DST: variants seen among roughly 807,000 people sequenced by gnomAD.
The protein encoded by DST is bullous pemphigoid antigen.
DST carries 253 observed loss-of-function variants against 875.2 expected under a neutral mutation model. The observed-to-expected ratio is 0.29, with a 90% CI of 0.26 to 0.32. The LOEUF (loss-of-function observed/expected upper bound fraction) is 0.32. Among genes scored for constraint, DST ranks in the 10% least tolerant of loss-of-function variants. DST has a pLI of 1.00. For synonymous variants in DST, 3,124 were observed against 3,197.1 expected (o/e 0.98, Z 0.77); for missense variants, 8,287 against 9,111.6 (o/e 0.91, Z 3.68).
rs539743596 is a variant in DST, at chr6:56,799,181, T to C, written c.625+52216A>G. On this transcript the variant is annotated intron_variant, in intron 4 of 103. Coordinates refer to ENST00000680361, the MANE Select transcript of DST (RefSeq NM_001374736.1). Reference sequence around the variant, plus strand: ...ACTCCAATTTTGAAAGAAGTTCTACTGTGGGTAAAATGCTAACAGCATCAC... The same window carrying C: ...ACTCCAATTTTGAAAGAAGTTCTACCGTGGGTAAAATGCTAACAGCATCAC... 6.6e-5 allele frequency among the ~76,000 whole-genome samples: 10 copies of C among 152,282 alleles called. No homozygotes were observed. The South Asian group carries it at 2.1e-3, about 32-fold the overall frequency.
intron 4 of DST, among the ~76,000 whole-genome samples, chr6:56,825,502 TAAAAAA>T (rs749148452): frequency 1.8e-5 from 2 of 109,348 alleles, no homozygotes; most frequent in East Asian, 2.7e-4. Context: ...CAATAAATAC[TAAAAAA>T]AAAAAAAAAA....
At chr6:56,622,815 A>G (rs558205844) in intron 36 of DST, among the ~76,000 whole-genome samples, 21 of 152,280 alleles carry the variant, frequency 1.4e-4, no homozygotes, top group African/African-American at 4.6e-4. Flanking sequence ...TCTCTCTAAT[A>G]TCTAATATCT....
At chr6:56,875,133 G>A (rs1441037627) in intron 3 of DST, among the ~76,000 whole-genome samples, 5 of 152,236 alleles carry the variant, frequency 3.3e-5, no homozygotes, top group African/African-American at 7.2e-5. Flanking sequence ...ACAGGCGCCC[G>A]CCACCACGCC....
intron 49 of DST, among the ~76,000 whole-genome samples, chr6:56,589,819 T>C (rs80075208): frequency 6.6e-6 from 1 of 152,332 alleles, no homozygotes; most frequent in East Asian, 1.9e-4. Context: ...ATAATGCTAA[T>C]AACAACATGC....
chr6:56,836,822 G>A (rs1235121588), intron 4 of DST, among the ~76,000 whole-genome samples: 1 of 143,788 alleles, frequency 7.0e-6, no homozygotes, highest in African/African-American at 2.6e-5. Context: ...CTGCACTCCC[G>A]CCTGGGCCAC....
chr6:56,891,021 C>T (rs1249876505), intron 3 of DST, among the ~76,000 whole-genome samples: 8 of 152,312 alleles, frequency 5.3e-5, no homozygotes, highest in East Asian at 1.9e-4. Flanking sequence ...AGGCTTTAGA[C>T]GCATGTTGAA....
intron 49 of DST, among the ~76,000 whole-genome samples, chr6:56,590,528 C>G (rs1305073901): frequency 6.6e-6 from 1 of 152,116 alleles, no homozygotes; most frequent in African/African-American, 2.4e-5. Flanking sequence ...TCTACCCCCA[C>G]CACATATCTT....
In DST at chr6:56,869,930, C is replaced by T. The variant is rs564525251; in HGVS notation, c.418-18326G>A. ...TGAACTCCTGAGCTCAAGCAATCCA[C>T]CTGCCTCGGCCTCCTAAAGTGCTGG... On this transcript the variant is annotated intron_variant, in intron 3 of 103. Coordinates refer to ENST00000680361, the MANE Select transcript of DST (RefSeq NM_001374736.1). Among the ~76,000 whole-genome samples, 103 of 152,244 alleles carry T rather than the reference C, an allele frequency of 6.8e-4. 2 individuals are homozygous for T. In the South Asian group the frequency reaches 7.7e-3, roughly 11 times the overall value.
chr6:56,565,524 C>CT (rs1442842116), intron 55 of DST, among the ~76,000 whole-genome samples: 12 of 152,228 alleles, frequency 7.9e-5, no homozygotes, highest in Admixed American at 2.0e-4. Context: ...TGGTCCTGGG[C>CT]TTTTTTTGGT....
chr6:56,606,252 T>G lies in DST; in HGVS notation c.8376A>C (p.Glu2792Asp), dbSNP rs1436245608. ...TDHLDSMQSE[E>D]SYGDYIYDSN... ...TGTCATATATATAATCCCCATAACT[T>G]TCTTCACTTTGCATAGAATCTAAAT... is the stretch of plus-strand genomic sequence containing the variant. The change falls in exon 40 of 104, where the codon GAA (glutamate) becomes GAC (aspartate). Residue 2792 changes from glutamate to aspartate, a missense_variant. This residue lies in a region of DST where 3,138 missense variants were observed against 3,116.6 expected (regional missense o/e 1.01). Transcript: ENST00000680361. 2 of 1,569,832 alleles carry G rather than the reference T, an allele frequency of 1.3e-6. No individual in the cohort carries two copies. Among genetic ancestry groups the G allele is most frequent in the East Asian group, 2.3e-5 (1 of 42,822 alleles).
At chr6:56,750,318 T>G (rs1361766090) in intron 4 of DST, among the ~76,000 whole-genome samples, 1 of 152,022 alleles carries the variant, frequency 6.6e-6, no homozygotes, top group African/African-American at 2.4e-5. Flanking sequence ...TCTGTATCGT[T>G]CCAATTTTAG....
intron 69 of DST, among the ~76,000 whole-genome samples, chr6:56,525,218 T>C (rs1489478421): frequency 6.6e-6 from 1 of 152,190 alleles, no homozygotes; most frequent in African/African-American, 2.4e-5. Context: ...TTGGGAAACG[T>C]TCAAATACAT....
intron 4 of DST, among the ~76,000 whole-genome samples, chr6:56,790,617 T>C (rs923963009): frequency 1.3e-5 from 2 of 152,212 alleles, no homozygotes; most frequent in Admixed American, 6.5e-5. Flanking sequence ...ACTAAATATG[T>C]CTGTGTACTG....
chr6:56,544,155 TACC>T (rs2097184475), intron 61 of DST, among the ~76,000 whole-genome samples: 1 of 152,208 alleles, frequency 6.6e-6, no homozygotes, highest in Non-Finnish European at 1.5e-5. Flanking sequence ...GTCTCATACT[TACC>T]ACGCTTGAAC....
At chr6:56,559,366 C>T (rs1389273668) in intron 58 of DST, among the ~76,000 whole-genome samples, 1 of 152,042 alleles carries the variant, frequency 6.6e-6, no homozygotes, top group Non-Finnish European at 1.5e-5. Context: ...TGACAGGAAT[C>T]TCTATAGTTG....
intron 9 of DST, among the ~76,000 whole-genome samples, chr6:56,689,597 G>A (rs1449129049): frequency 2.0e-5 from 3 of 152,132 alleles, no homozygotes; most frequent in African/African-American, 7.2e-5. Flanking sequence ...GGACCCTGGG[G>A]CCAGGCTTTG....
intron 10 of DST, among the ~76,000 whole-genome samples, chr6:56,662,155 GTTTC>G (rs751711436): frequency 7.6e-4 from 115 of 152,308 alleles, no homozygotes; most frequent in Non-Finnish European, 1.5e-3. Flanking sequence ...GTTAAGAAGT[GTTTC>G]TTTCTCAAAG....
intron 4 of DST, among the ~76,000 whole-genome samples, chr6:56,803,431 T>C (rs2099749595): frequency 6.6e-6 from 1 of 152,140 alleles, no homozygotes; most frequent in Non-Finnish European, 1.5e-5. Context: ...TTAAGGAGAC[T>C]GCAAAATATG....
chr6:56,684,490 T>C (rs906929128), intron 9 of DST, among the ~76,000 whole-genome samples: 2 of 152,172 alleles, frequency 1.3e-5, no homozygotes, highest in Non-Finnish European at 2.9e-5. Flanking sequence ...GCAGAGATAT[T>C]TGGCGGATGC....
Sources: allele counts gnomAD v4.1 joint callset (sites outside exome capture counted in the v4.1 genomes callset), GRCh38; gene constraint gnomAD v4.1.1; regional missense constraint gnomAD v4.1.1; transcripts MANE v1.5; gene names NCBI Gene and HGNC (gene_info 2026-07-23, HGNC 2026-07-21).